NOTCH2NLC: variants seen among roughly 807,000 people sequenced by gnomAD.
NOTCH2NLC encodes the protein notch homolog 2 N-terminal-like protein C.
In NOTCH2NLC, 4 loss-of-function variants were observed where a neutral mutation model predicts 17.7. The ratio of observed to expected loss-of-function variants is 0.23; its 90% CI spans 0.11 to 0.52. The LOEUF (loss-of-function observed/expected upper bound fraction) is 0.52. Ranked by LOEUF, NOTCH2NLC falls within the 20% of genes least tolerant of loss-of-function variation. The pLI is 0.96. For synonymous variants in NOTCH2NLC, 18 were observed against 86.0 expected, an observed-to-expected ratio of 0.21 and a Z score of 4.38; for missense variants, 57 against 207.2, an observed-to-expected ratio of 0.28 and a Z score of 4.45.
intron 1 of NOTCH2NLC, among the ~76,000 whole-genome samples, chr1:149,414,637 T>C (rs1377144599): frequency 6.6e-6 from 1 of 150,412 alleles, no homozygotes; most frequent in Non-Finnish European, 1.5e-5. Flanking sequence ...TAACTCTAAG[T>C]AAAGCTTATT....
At chr1:149,406,904 C>CT in intron 1 of NOTCH2NLC, among the ~76,000 whole-genome samples, 1 of 151,520 alleles carries the variant, frequency 6.6e-6, no homozygotes, top group Non-Finnish European at 1.5e-5. Context: ...CTTTTAATGA[C>CT]TCCCTTTAGG....
intron 3 of NOTCH2NLC, among the ~76,000 whole-genome samples, chr1:149,460,178 G>T (rs2084633732): frequency 7.1e-6 from 1 of 141,822 alleles, no homozygotes; most frequent in Non-Finnish European, 1.6e-5. Flanking sequence ...TTGCTATTAG[G>T]AGGCAAAGTA....
intron 1 of NOTCH2NLC, among the ~76,000 whole-genome samples, chr1:149,399,785 C>G (rs1317451001): frequency 7.2e-6 from 1 of 139,086 alleles, no homozygotes; most frequent in Admixed American, 7.3e-5. Context: ...GCTTCTCTGA[C>G]ATATTCTTTC....
chr1:149,398,755 T>C (rs1478574156), intron 1 of NOTCH2NLC, among the ~76,000 whole-genome samples: 1 of 151,134 alleles, frequency 6.6e-6, no homozygotes, highest in Non-Finnish European at 1.5e-5. Flanking sequence ...TCCATTGGAC[T>C]GAAGCACCTT....
intron 1 of NOTCH2NLC, among the ~76,000 whole-genome samples, chr1:149,423,716 A>G (rs2084392214): frequency 1.3e-5 from 2 of 148,668 alleles, no homozygotes; most frequent in Admixed American, 6.7e-5. Context: ...CTCTTCATGT[A>G]TTTTAGGAGC....
Position 149,445,603 on chromosome 1 carries a change from G to T in NOTCH2NLC, c.210-9715G>T, listed in dbSNP as rs1434481641. On this transcript the variant is annotated intron_variant, in intron 2 of 4. Transcript: ENST00000650865. The stretch of plus-strand genomic sequence containing the variant: ...GCAGGCTGCCACTGCGGATTGGGGG[G>T]CCAAGAGGCCCAGGGCAAGAAGAAA... Among the ~76,000 whole-genome samples the T allele has an allele frequency of 1.1e-4, 17 of 150,906 alleles. 1 individual carries two copies. The East Asian group carries it at 2.8e-3, about 25-fold the overall frequency.
At chr1:149,445,023 CT>C (rs1250189527) in intron 2 of NOTCH2NLC, among the ~76,000 whole-genome samples, 1 of 146,510 alleles carries the variant, frequency 6.8e-6, no homozygotes, top group East Asian at 2.0e-4. Flanking sequence ...AGCTTCTTCT[CT>C]TTTTTTCCCC....
intron 1 of NOTCH2NLC, among the ~76,000 whole-genome samples, chr1:149,399,244 T>TG (rs2084229997): frequency 8.3e-6 from 1 of 120,622 alleles, no homozygotes; most frequent in Admixed American, 8.5e-5. Context: ...ATCTTTTTTT[T>TG]TGTGAGAAGA....
At chr1:149,462,895 G>C (rs2084658103) in intron 3 of NOTCH2NLC, among the ~76,000 whole-genome samples, 1 of 144,008 alleles carries the variant, frequency 6.9e-6, no homozygotes, top group Non-Finnish European at 1.5e-5. Context: ...GAGTGCAGTG[G>C]TACAATCTCG....
chr1:149,451,300 G>A (rs2691752), intron 2 of NOTCH2NLC, among the ~76,000 whole-genome samples: 7 of 148,764 alleles, frequency 4.7e-5, no homozygotes, highest in African/African-American at 1.2e-4. Flanking sequence ...CAGTTTCTAA[G>A]CAATAATTAG....
At chr1:149,454,638 G>T (rs2084606756) in intron 2 of NOTCH2NLC, among the ~76,000 whole-genome samples, 1 of 151,070 alleles carries the variant, frequency 6.6e-6, no homozygotes, top group African/African-American at 2.4e-5. Context: ...GGTTAAAAAT[G>T]CCTACTTAAA....
At chr1:149,395,023 C>A (rs2084197324) in intron 1 of NOTCH2NLC, among the ~76,000 whole-genome samples, 1 of 149,140 alleles carries the variant, frequency 6.7e-6, no homozygotes, top group Non-Finnish European at 1.5e-5. Flanking sequence ...GGTCACAGAG[C>A]CAATTAGAGT....
At position 149,444,850 on chromosome 1, in the gene NOTCH2NLC, G is replaced by A. The variant is rs1460825070; in HGVS notation, c.210-10468G>A. 6.2e-5 allele frequency among the ~76,000 whole-genome samples: 9 copies of A among 144,112 alleles called. No individual in the cohort carries two copies. In the South Asian group the frequency reaches 8.8e-4, roughly 14 times the overall value. The allele number at this position is 144,112 out of a possible 152,430, so 94.5% of individuals were successfully genotyped here. ...CTAGAAAGTGTGTTTTACCACAAGC[G>A]TCCCAGTTCTGGACACCAATCTATA... On this transcript the variant is annotated intron_variant, in intron 2 of 4. Transcript: ENST00000650865.
chr1:149,445,883 A>G (rs1458538355), intron 2 of NOTCH2NLC, among the ~76,000 whole-genome samples: 7 of 136,860 alleles, frequency 5.1e-5, no homozygotes, highest in Admixed American at 4.5e-4. Context: ...TTTTTTTTGA[A>G]TGGCCAAATC....
In NOTCH2NLC at chr1:149,419,855, ATTTTTTTTTTT is replaced by A. The variant is rs1166865199; in HGVS notation, c.136-11071_136-11061del. ...GAAGTTCAGGAATATATATATATATATTTTTTTTTTTTTTTTTTTTTTTTTTCCTCAGGCAG... is the reference window on the plus strand; with the variant it reads ...GAAGTTCAGGAATATATATATATATATTTTTTTTTTTTTTTCCTCAGGCAG... On this transcript the variant is annotated intron_variant, in intron 1 of 4. Transcript: ENST00000650865. Among the ~76,000 whole-genome samples, 108 of 78,174 alleles carry A rather than the reference ATTTTTTTTTTT, an allele frequency of 1.4e-3. 1 individual carries two copies. Among genetic ancestry groups the A allele is most frequent in the African/African-American group, 4.8e-3 (82 of 17,204 alleles). 51.3% of individuals were successfully genotyped at this position (78,174 alleles called of 152,430 possible).
At chr1:149,440,921 C>G (rs1421421224) in intron 2 of NOTCH2NLC, among the ~76,000 whole-genome samples, 1 of 146,526 alleles carries the variant, frequency 6.8e-6, no homozygotes, top group East Asian at 2.1e-4. Flanking sequence ...AGGTAGAATG[C>G]CTAGAGTGAG....
chr1:149,442,043 C>T (rs1220922201), intron 2 of NOTCH2NLC, among the ~76,000 whole-genome samples: 3 of 147,328 alleles, frequency 2.0e-5, no homozygotes, highest in Non-Finnish European at 3.0e-5. Flanking sequence ...TACATACACA[C>T]TTCAGTCAGT....
At chr1:149,410,547 AT>A (rs1179344081) in intron 1 of NOTCH2NLC, among the ~76,000 whole-genome samples, 3 of 136,694 alleles carry the variant, frequency 2.2e-5, no homozygotes, top group Non-Finnish European at 4.8e-5. Context: ...TATCTTTAAT[AT>A]CTGGTTATCT....
At chr1:149,457,387 A>G (rs1372090713) in intron 3 of NOTCH2NLC, among the ~76,000 whole-genome samples, 1 of 92,644 alleles carries the variant, frequency 1.1e-5, no homozygotes, top group African/African-American at 4.2e-5. Context: ...TCAGAAGACT[A>G]TACTGGATCA....
Sources: gnomAD v4.1 joint callset for allele counts (sites outside exome capture counted in the v4.1 genomes callset) on GRCh38, gnomAD v4.1.1 for gene constraint, MANE v1.5 for transcripts, NCBI Gene and HGNC (gene_info 2026-07-23, HGNC 2026-07-21) for gene names.